The following KCNK9 variants were observed in gnomAD, a reference collection of about 807,000 sequenced individuals.
The protein encoded by KCNK9 is potassium two pore domain channel subfamily K member 9, also known as potassium channel subfamily K member 9.
A neutral mutation model predicts 10.8 loss-of-function variants in KCNK9; 1 was observed. That is an observed-to-expected ratio of 0.09 (90% CI 0.03 to 0.44). KCNK9 has a LOEUF of 0.44. Ranked by LOEUF, KCNK9 falls within the 20% of genes least tolerant of loss-of-function variation. The pLI is 0.97. For missense variants in KCNK9, 303 were observed against 515.0 expected (o/e 0.59, Z 3.98); for synonymous variants, 231 against 222.7 (o/e 1.04, Z -0.33).
chr8:139,648,935 A>G (rs555836699), intron 1 of KCNK9, among the ~76,000 whole-genome samples: 103 of 152,352 alleles, frequency 6.8e-4, no homozygotes, highest in African/African-American at 2.4e-3. Flanking sequence ...TCATCTTAGC[A>G]TACAAAGGGG....
At chr8:139,682,688 G>A (rs559668511) in intron 1 of KCNK9, among the ~76,000 whole-genome samples, 4 of 152,224 alleles carry the variant, frequency 2.6e-5, no homozygotes, top group African/African-American at 4.8e-5. Context: ...GATGGCTTGT[G>A]AGCAGGGCAG....
At chr8:139,636,913 C>G (rs1815356724) in intron 1 of KCNK9, among the ~76,000 whole-genome samples, 1 of 152,210 alleles carries the variant, frequency 6.6e-6, no homozygotes, top group African/African-American at 2.4e-5. Context: ...TGTCTGGAAG[C>G]TCTGTCCCCA....
chr8:139,622,024 C>T (rs1814799114), intron 1 of KCNK9, among the ~76,000 whole-genome samples: 1 of 152,206 alleles, frequency 6.6e-6, no homozygotes, highest in Non-Finnish European at 1.5e-5. Context: ...TTTGCCTTCA[C>T]GGGGCTTAGA....
chr8:139,622,375 C>G (rs1236943554), intron 1 of KCNK9, among the ~76,000 whole-genome samples: 1 of 152,152 alleles, frequency 6.6e-6, no homozygotes, highest in Non-Finnish European at 1.5e-5. Context: ...GCGTTCCCAG[C>G]CACACCCTGC....
chr8:139,684,833 C>T (rs1816756556), intron 1 of KCNK9, among the ~76,000 whole-genome samples: 1 of 152,200 alleles, frequency 6.6e-6, no homozygotes, highest in Non-Finnish European at 1.5e-5. Context: ...AAGAGACACA[C>T]ATCAAAATGC....
At chr8:139,670,505 T>A (rs1785651984) in intron 1 of KCNK9, among the ~76,000 whole-genome samples, 1 of 152,168 alleles carries the variant, frequency 6.6e-6, no homozygotes, top group South Asian at 2.1e-4. Flanking sequence ...TTGTGTTAGG[T>A]ATTGGAAGTA....
intron 1 of KCNK9, among the ~76,000 whole-genome samples, chr8:139,651,809 C>G (rs1299351371): frequency 6.6e-6 from 1 of 152,196 alleles, no homozygotes. Flanking sequence ...CACAATTACA[C>G]AGGATTGCTG....
At chr8:139,640,840 G>A (rs1194462956) in intron 1 of KCNK9, among the ~76,000 whole-genome samples, 1 of 152,228 alleles carries the variant, frequency 6.6e-6, no homozygotes, top group Non-Finnish European at 1.5e-5. Context: ...GCCACGTTCT[G>A]CGGTTGCAGA....
intron 1 of KCNK9, among the ~76,000 whole-genome samples, chr8:139,630,919 A>G (rs1180707220): frequency 6.6e-6 from 1 of 152,234 alleles, no homozygotes; most frequent in Non-Finnish European, 1.5e-5. Flanking sequence ...CTTTTGAAAG[A>G]GGCTCCTAGA....
At chr8:139,622,218 G>A (rs1389445363) in intron 1 of KCNK9, among the ~76,000 whole-genome samples, 1 of 152,198 alleles carries the variant, frequency 6.6e-6, no homozygotes, top group East Asian at 1.9e-4. Context: ...TGAGGTTCAG[G>A]GGTCTTCCCC....
At chr8:139,606,210 A>G (rs772469546) in intron 2 of KCNK9, among the ~76,000 whole-genome samples, 1 of 152,212 alleles carries the variant, frequency 6.6e-6, no homozygotes, top group Non-Finnish European at 1.5e-5. Flanking sequence ...GAATGTGAAC[A>G]AACAGTCCCA....
intron 1 of KCNK9, among the ~76,000 whole-genome samples, chr8:139,634,394 C>A (rs922015834): frequency 2.0e-5 from 3 of 152,178 alleles, no homozygotes; most frequent in Non-Finnish European, 2.9e-5. Flanking sequence ...TGCCCCACAG[C>A]CTCCCTAGCC....
At chr8:139,658,704 C>T (rs1010732306) in intron 1 of KCNK9, among the ~76,000 whole-genome samples, 1 of 152,222 alleles carries the variant, frequency 6.6e-6, no homozygotes, top group Non-Finnish European at 1.5e-5. Context: ...GTGAAACTGG[C>T]AGACTCCAGA....
intron 1 of KCNK9, among the ~76,000 whole-genome samples, chr8:139,670,836 A>G (rs1816409526): frequency 6.6e-6 from 1 of 152,224 alleles, no homozygotes. Context: ...ACAATGTGGT[A>G]GGTCAAACGT....
chr8:139,690,929 G>A (rs1046645451), intron 1 of KCNK9, among the ~76,000 whole-genome samples: 3 of 152,220 alleles, frequency 2.0e-5, no homozygotes, highest in African/African-American at 4.8e-5. Context: ...ATTATCCATA[G>A]TGACATCATT....
At position 139,679,924 on chromosome 8, in the gene KCNK9, C is replaced by G. The variant is rs376266021; in HGVS notation, c.283+22786G>C. 2.6e-5 allele frequency among the ~76,000 whole-genome samples: 4 copies of G among 152,294 alleles called. No homozygotes were observed. In the East Asian group the frequency reaches 5.8e-4, roughly 22 times the overall value. On this transcript the variant is annotated intron_variant, in intron 1 of 1. Coordinates refer to ENST00000520439, the MANE Select transcript of KCNK9 (RefSeq NM_001282534.2). The stretch of plus-strand genomic sequence containing the variant: ...GCCTGGGTGCCTTTCTCATATGCAC[C>G]TTGTAGTATGTCACAGCTGGGTCGC...
At chr8:139,657,857 C>A (rs1361221084) in intron 1 of KCNK9, among the ~76,000 whole-genome samples, 1 of 152,196 alleles carries the variant, frequency 6.6e-6, no homozygotes, top group African/African-American at 2.4e-5. Context: ...TCTATCCCAG[C>A]GGTCCCCACC....
At chr8:139,669,000 G>T (rs1816367112) in intron 1 of KCNK9, among the ~76,000 whole-genome samples, 4 of 151,886 alleles carry the variant, frequency 2.6e-5, no homozygotes, top group South Asian at 2.1e-4. Context: ...CACATTTTTT[G>T]ATTTCTCAGT....
chr8:139,603,803 T>C (rs1817425730), intron 2 of KCNK9, among the ~76,000 whole-genome samples: 1 of 152,216 alleles, frequency 6.6e-6, no homozygotes, highest in Admixed American at 6.5e-5. Context: ...ACAGAGTTCT[T>C]AGGAAGCACT....
Sources: gnomAD v4.1 joint callset for allele counts (sites outside exome capture counted in the v4.1 genomes callset) on GRCh38, gnomAD v4.1.1 for gene constraint, MANE v1.5 for transcripts, NCBI Gene and HGNC (gene_info 2026-07-23, HGNC 2026-07-21) for gene names.